ZNF438: variants seen among roughly 807,000 people sequenced by gnomAD.
The protein encoded by ZNF438 is zinc finger protein 438.
ZNF438 carries 25 observed loss-of-function variants against 38.0 expected under a neutral mutation model. That is an observed-to-expected ratio of 0.66 (90% CI 0.48 to 0.92). The LOEUF is 0.92. Ranked by LOEUF, ZNF438 falls within the 40% of genes least tolerant of loss-of-function variation. ZNF438 has a pLI of 0.00. For synonymous variants in ZNF438, 372 were observed against 364.1 expected (o/e 1.02, Z -0.25); for missense variants, 1,007 against 999.6 (o/e 1.01, Z -0.10).
chr10:30,924,731 C>CAGTTTTGGT (rs2044713834), intron 2 of ZNF438, among the ~76,000 whole-genome samples: 1 of 151,966 alleles, frequency 6.6e-6, no homozygotes, highest in Admixed American at 6.6e-5. Context: ...GTATCAAATC[C>CAGTTTTGGT]CTGAAAGACA....
chr10:30,925,528 T>C (rs1448974630), intron 2 of ZNF438, among the ~76,000 whole-genome samples: 1 of 152,304 alleles, frequency 6.6e-6, no homozygotes, highest in East Asian at 1.9e-4. Context: ...AAATAAAAGT[T>C]ATCGCATTAA....
At chr10:31,002,826 AT>A (rs1352653603) in intron 1 of ZNF438, among the ~76,000 whole-genome samples, 1 of 152,214 alleles carries the variant, frequency 6.6e-6, no homozygotes, top group African/African-American at 2.4e-5. Flanking sequence ...CTACAAAAGA[AT>A]TACAAAGTAG....
intron 3 of ZNF438, among the ~76,000 whole-genome samples, chr10:30,886,078 A>G (rs776031899): frequency 2.6e-5 from 4 of 152,220 alleles, no homozygotes; most frequent in African/African-American, 4.8e-5. Flanking sequence ...GATGCTATAT[A>G]ACTTCATCAC....
chr10:30,871,604 TAA>T (rs1264554247), intron 4 of ZNF438, among the ~76,000 whole-genome samples: 1 of 152,254 alleles, frequency 6.6e-6, no homozygotes, highest in Non-Finnish European at 1.5e-5. Context: ...ACTTGAGTTC[TAA>T]TATTCTTATT....
intron 1 of ZNF438, among the ~76,000 whole-genome samples, chr10:30,973,004 C>A (rs935034101): frequency 1.3e-5 from 2 of 152,144 alleles, no homozygotes; most frequent in South Asian, 2.1e-4. Context: ...ACAGAAAGCA[C>A]ATGTATCAAC....
At chr10:30,851,870 TAA>T (rs1197948181) in intron 4 of ZNF438, among the ~76,000 whole-genome samples, 2 of 152,012 alleles carry the variant, frequency 1.3e-5, no homozygotes, top group Non-Finnish European at 2.9e-5. Flanking sequence ...ATTGAAAATG[TAA>T]AATCAGCTGG....
intron 1 of ZNF438, among the ~76,000 whole-genome samples, chr10:30,973,833 C>T (rs2051020279): frequency 1.3e-5 from 2 of 152,184 alleles, no homozygotes; most frequent in South Asian, 2.1e-4. Context: ...AGTCAGCACT[C>T]GTTCCCAGCT....
intron 2 of ZNF438, among the ~76,000 whole-genome samples, chr10:30,916,468 G>A (rs1220639022): frequency 1.3e-5 from 2 of 151,840 alleles, no homozygotes. Flanking sequence ...CCCCTTTATG[G>A]CCTTTCCCAT....
intron 1 of ZNF438, among the ~76,000 whole-genome samples, chr10:30,980,209 C>T (rs370930397): frequency 1.3e-5 from 2 of 148,334 alleles, no homozygotes; most frequent in Non-Finnish European, 3.0e-5. Flanking sequence ...GCTGGGTAGC[C>T]ACTGAAGGGT....
At chr10:30,957,723 G>A (rs944925777) in intron 1 of ZNF438, among the ~76,000 whole-genome samples, 3 of 152,080 alleles carry the variant, frequency 2.0e-5, no homozygotes, top group African/African-American at 7.2e-5. Context: ...GTTTTTATGT[G>A]TGTACCATGC....
chr10:31,003,909 G>A (rs74908382), intron 1 of ZNF438, among the ~76,000 whole-genome samples: 1 of 152,124 alleles, frequency 6.6e-6, no homozygotes, highest in Non-Finnish European at 1.5e-5. Flanking sequence ...CTGAAAATCT[G>A]GGGGGAGAGC....
chr10:30,991,578 A>G (rs1004613337), intron 1 of ZNF438, among the ~76,000 whole-genome samples: 1 of 152,194 alleles, frequency 6.6e-6, no homozygotes, highest in Non-Finnish European at 1.5e-5. Flanking sequence ...CAGTGGTGCA[A>G]GGTTCTACCT....
chr10:30,911,115 T>C (rs1161398436), intron 2 of ZNF438, among the ~76,000 whole-genome samples: 2 of 152,148 alleles, frequency 1.3e-5, no homozygotes, highest in African/African-American at 2.4e-5. Context: ...ATGGAGATCA[T>C]TATAATTTCA....
At chr10:30,944,268 G>A (rs1298829926) in intron 1 of ZNF438, among the ~76,000 whole-genome samples, 1 of 152,022 alleles carries the variant, frequency 6.6e-6, no homozygotes, top group African/African-American at 2.4e-5. Context: ...AACACTACAG[G>A]GCAAGTTAAG....
chr10:31,026,302 C>A (rs1033215551), intron 1 of ZNF438, among the ~76,000 whole-genome samples: 3 of 152,168 alleles, frequency 2.0e-5, no homozygotes, highest in African/African-American at 4.8e-5. Flanking sequence ...AGTGAACAGG[C>A]AACCTACAGA....
At chr10:30,944,114 G>A (rs1472448722) in intron 1 of ZNF438, among the ~76,000 whole-genome samples, 1 of 152,154 alleles carries the variant, frequency 6.6e-6, no homozygotes, top group African/African-American at 2.4e-5. Context: ...CGTCACCTAA[G>A]TTGTAGGTGA....
chr10:30,869,176 C>T (rs1230974968), intron 4 of ZNF438, among the ~76,000 whole-genome samples: 1 of 152,154 alleles, frequency 6.6e-6, no homozygotes, highest in South Asian at 2.1e-4. Context: ...AGTTTGAGAC[C>T]AGCCTGGCTA....
At chr10:30,873,593 T>C (rs1445918063) in intron 4 of ZNF438, among the ~76,000 whole-genome samples, 1 of 152,224 alleles carries the variant, frequency 6.6e-6, no homozygotes, top group Non-Finnish European at 1.5e-5. Context: ...TGTCCTTTCA[T>C]TCTGATTTTC....
intron 3 of ZNF438, among the ~76,000 whole-genome samples, chr10:30,888,213 C>A (rs1308857703): frequency 6.6e-6 from 1 of 152,076 alleles, no homozygotes; most frequent in Non-Finnish European, 1.5e-5. Flanking sequence ...ATTGCTTGTT[C>A]TCCATAGTGG....
Sources: allele counts gnomAD v4.1 joint callset (sites outside exome capture counted in the v4.1 genomes callset), GRCh38; gene constraint gnomAD v4.1.1; transcripts MANE v1.5; gene names NCBI Gene and HGNC (gene_info 2026-07-23, HGNC 2026-07-21).